Variants in ZNF599 observed in about 807,000 individuals in gnomAD.
ZNF599 encodes the protein zinc finger protein 599.
ZNF599 carries 10 observed loss-of-function variants against 11.7 expected under a neutral mutation model. That is an observed-to-expected ratio of 0.86 (90% confidence interval 0.53 to 1.45). The LOEUF is 1.45. ZNF599 is among the 40% of genes most tolerant of loss of function. The probability of loss-of-function intolerance (pLI) is 0.00; values close to 1 mark genes in which losing one functional copy is unlikely to be tolerated. For missense variants in ZNF599, 688 were observed against 713.6 expected, an observed-to-expected ratio of 0.96 and a Z score of 0.41; for synonymous variants, 232 against 253.2, an observed-to-expected ratio of 0.92 and a Z score of 0.79.
chr19:34,800,217 T>G, the ZNF599 span, among the ~76,000 whole-genome samples: 1 of 152,216 alleles, frequency 6.6e-6, no homozygotes, highest in Non-Finnish European at 1.5e-5. Context: ...TTATTATATC[T>G]TCTTGGAGAA....
the ZNF599 span, among the ~76,000 whole-genome samples, chr19:34,795,155 A>AT: frequency 6.6e-6 from 1 of 152,252 alleles, no homozygotes; most frequent in Non-Finnish European, 1.5e-5. Flanking sequence ...TAACAGAGCT[A>AT]TTAAAGGCCA....
chr19:34,772,809 G>T lies in ZNF599; in HGVS notation c.18+15C>A. 1 of 1,533,018 alleles carries T rather than the reference G, an allele frequency of 6.5e-7. No homozygotes were observed. 95.0% of individuals were successfully genotyped at this position (1,533,018 alleles called of 1,614,324 possible). Reference sequence around the variant, plus strand: ...GTGACCCGAGCTCGCGCGGGCTGCGGAACCCTCCACTCACCAACGCCGGCG... The same window carrying T: ...GTGACCCGAGCTCGCGCGGGCTGCGTAACCCTCCACTCACCAACGCCGGCG... On this transcript the variant is annotated intron_variant, in intron 1 of 3. Transcript: ENST00000329285.
At position 34,759,223 on chromosome 19, in the gene ZNF599, A is replaced by G. The variant is rs117663290; in HGVS notation, c.1578T>C (p.Asn526=). ...AAGGTTTTTCTCCAGTGTGGATCCT[A>G]TTATGCCGAACAAAATTTGCAGGTT... ...FTQPANFVRH[N]RIHTGEKPFE... is the part of the protein sequence containing the mutation. Residue 526 remains asparagine, a synonymous_variant, in exon 4 of 4, where the codon AAT becomes AAC. Transcript: ENST00000329285. 1 of 1,613,986 alleles carries G rather than the reference A, an allele frequency of 6.2e-7. No homozygotes were observed. The highest frequency in any genetic ancestry group is 2.2e-5 in the East Asian group (1 of 44,852).
rs1305989582 is a variant in ZNF599, at chr19:34,760,402, C to T, written c.399G>A (p.Gly133=). 2.5e-6 allele frequency: 4 copies of T among 1,613,984 alleles called. No individual in the cohort carries two copies. The highest frequency in any genetic ancestry group is 3.4e-6 in the Non-Finnish European group (4 of 1,180,012). The change falls in exon 4 of 4, where the codon GGG becomes GGA. Residue 133 remains glycine (G), a synonymous_variant. Transcript: ENST00000329285. ...DEEKLIKIQE[G]NLRPGTNPHK... ...GGGGGTTTGTTCCTGGCCTCAAGTT[C>T]CCTTCCTGAATTTTTATTAGCTTTT...
At chr19:34,794,681 C>T in the ZNF599 span, among the ~76,000 whole-genome samples, 1 of 152,048 alleles carries the variant, frequency 6.6e-6, no homozygotes, top group African/African-American at 2.4e-5. Flanking sequence ...AGCAATCCTC[C>T]CACCTCAGCC....
In ZNF599 at chr19:34,769,477, G is replaced by C. The variant is rs2069167893; in HGVS notation, c.97C>G (p.Leu33Val). The C allele has an allele frequency of 6.2e-7, 1 of 1,614,190 alleles. No homozygotes were observed. Among genetic ancestry groups the C allele is most frequent in the Non-Finnish European group, 8.5e-7 (1 of 1,180,022 alleles). Residue 33 changes from leucine to valine, a missense_variant, in exon 2 of 4, where the codon CTG becomes GTG. Leu to Val is a conservative substitution (Grantham distance 32). Coordinates refer to ENST00000329285, the MANE Select transcript of ZNF599 (RefSeq NM_001007248.3). ...GTCTCCAGCATCACCTCCTGGTACA[G>C]GGTCCTCTGGGCCAGGTCCAGGTGC... ...WGHLDLAQRT[L>V]YQEVMLETCR... is the part of the protein sequence containing the mutation.
the ZNF599 span, chr19:34,792,009 G>T: frequency 6.6e-6 from 1 of 152,212 alleles, no homozygotes; most frequent in Non-Finnish European, 1.5e-5. Flanking sequence ...GAGGAGCCCA[G>T]AATGAGGCTG....
chr19:34,800,474 G>A, the ZNF599 span, among the ~76,000 whole-genome samples: 1 of 151,188 alleles, frequency 6.6e-6, no homozygotes, highest in African/African-American at 2.4e-5. Flanking sequence ...AGTTTCTACT[G>A]ACATATCTTC....
At chr19:34,800,030 G>A in the ZNF599 span, among the ~76,000 whole-genome samples, 1 of 152,168 alleles carries the variant, frequency 6.6e-6, no homozygotes, top group Non-Finnish European at 1.5e-5. Context: ...ATTCCCGAAT[G>A]ACATATGATG....
At chr19:34,765,571 G>A (rs1185389379) in intron 3 of ZNF599, 2 of 702,980 alleles carry the variant, frequency 2.8e-6, no homozygotes, top group Non-Finnish European at 5.2e-6. Flanking sequence ...GGCAGAAAGT[G>A]TAATCTAGAT....
chr19:34,792,889 G>A, the ZNF599 span, among the ~76,000 whole-genome samples: 5 of 151,616 alleles, frequency 3.3e-5, no homozygotes, highest in Non-Finnish European at 5.9e-5. Flanking sequence ...ATTAATCCTC[G>A]TGCTATGAAT....
At chr19:34,795,572 G>A in the ZNF599 span, among the ~76,000 whole-genome samples, 5 of 152,060 alleles carry the variant, frequency 3.3e-5, no homozygotes, top group African/African-American at 1.2e-4. Context: ...GAGCCACTGT[G>A]CTTGGCCTTG....
At chr19:34,775,394 A>G (rs1239037135), upstream of ZNF599, among the ~76,000 whole-genome samples, 2 of 152,232 alleles carry the variant, frequency 1.3e-5, no homozygotes, top group East Asian at 1.9e-4. Flanking sequence ...ATCAGCTACA[A>G]AATAACCACA....
At position 34,760,066 on chromosome 19, in the gene ZNF599, A is replaced by T; in HGVS notation, c.735T>A (p.His245Gln). ...GTTTTTCCCCAGTATGAAGCCTCATATGTCGAATGACATCAGCCATATAAC... is the reference window on the plus strand; with the variant it reads ...GTTTTTCCCCAGTATGAAGCCTCATTTGTCGAATGACATCAGCCATATAAC... ...ACRYMADVIR[H>Q]MRLHTGEKPY... Residue 245 changes from histidine to glutamine, a missense_variant, in exon 4 of 4, where the codon CAT becomes CAA. Transcript: ENST00000329285. 1.2e-6 allele frequency: 2 copies of T among 1,614,088 alleles called. No homozygotes were observed. Among genetic ancestry groups the T allele is most frequent in the Non-Finnish European group, 1.7e-6 (2 of 1,180,004 alleles).
chr19:34,787,748 GCCCATTACTT>G, the ZNF599 span, among the ~76,000 whole-genome samples: 2 of 152,164 alleles, frequency 1.3e-5, no homozygotes, highest in Non-Finnish European at 2.9e-5. Context: ...GACTTCAACA[GCCCATTACTT>G]GAACCTGCAG....
chr19:34,764,063 CAG>C (rs1453253941), intron 3 of ZNF599: 1 of 152,214 alleles, frequency 6.6e-6, no homozygotes, highest in Non-Finnish European at 1.5e-5. Context: ...GCCTAGGCGA[CAG>C]AGTGAGATCC....
At position 34,769,410 on chromosome 19, in the gene ZNF599, G is replaced by C; in HGVS notation, c.145+19C>G. 1 of 1,614,058 alleles carries C rather than the reference G, an allele frequency of 6.2e-7. No individual in the cohort carries two copies. The highest frequency in any genetic ancestry group is 1.3e-5 in the African/African-American group (1 of 75,034). ...AAGAGGCTGTGGGTCCCCTACATGG[G>C]AGGGTAATGAGGTCTTACCCAGTGA... On this transcript the variant is annotated intron_variant, in intron 2 of 3. Transcript: ENST00000329285.
the ZNF599 span, among the ~76,000 whole-genome samples, chr19:34,783,579 T>C: frequency 6.6e-6 from 1 of 152,102 alleles, no homozygotes; most frequent in Non-Finnish European, 1.5e-5. Flanking sequence ...CAAGTGTTTA[T>C]TTTCTAGGAA....
rs1439262721 is a variant in ZNF599 at position 34,759,383 on chromosome 19, T to C, written c.1418A>G (p.His473Arg). The change falls in exon 4 of 4, where the codon CAC becomes CGC. Residue 473 changes from histidine (H) to arginine (R), a missense_variant. His to Arg is a conservative substitution (Grantham distance 29). Coordinates refer to ENST00000329285, the MANE Select transcript of ZNF599 (RefSeq NM_001007248.3). ...GCACTCCAAGGGTTTTTGTCCACTG[T>C]GGGTCCTATTATGTCGAATAAAAAC... ...HSVFIRHNRT[H>R]SGQKPLECKE... 4 of 1,613,986 alleles carry C rather than the reference T, an allele frequency of 2.5e-6. No individual in the cohort carries two copies. The highest frequency in any genetic ancestry group is 2.5e-6 in the Non-Finnish European group (3 of 1,180,028).
Sources: gnomAD v4.1 joint callset for allele counts (sites outside exome capture counted in the v4.1 genomes callset) on GRCh38, gnomAD v4.1.1 for gene constraint, MANE v1.5 for transcripts, NCBI Gene and HGNC (gene_info 2026-07-23, HGNC 2026-07-21) for gene names.